Variants in TSNARE1 observed in about 807,000 individuals in gnomAD.
The protein encoded by TSNARE1 is t-SNARE domain-containing protein 1.
TSNARE1 carries 49 observed loss-of-function variants against 62.0 expected under a neutral mutation model. The observed-to-expected ratio is 0.79, with a 90% CI of 0.63 to 1.00. TSNARE1 has a LOEUF of 1.00. TSNARE1 is among the 50% of genes least tolerant of loss of function. The probability of loss-of-function intolerance (pLI) is 0.00; values close to 1 mark genes in which losing one functional copy is unlikely to be tolerated. For synonymous variants in TSNARE1, 328 were observed against 294.4 expected (o/e 1.11, Z -1.17); for missense variants, 755 against 700.1 (o/e 1.08, Z -0.88).
intron 12 of TSNARE1, among the ~76,000 whole-genome samples, chr8:142,259,737 C>T (rs531230405): frequency 5.6e-4 from 86 of 152,342 alleles, no homozygotes; most frequent in African/African-American, 2.0e-3. Context: ...CCTTCCCCTA[C>T]CGTTCTGCTA....
At chr8:142,289,730 G>T (rs1474050380) in intron 10 of TSNARE1, among the ~76,000 whole-genome samples, 2 of 152,208 alleles carry the variant, frequency 1.3e-5, no homozygotes, top group Admixed American at 1.3e-4. Flanking sequence ...GCCTGCCTTT[G>T]TGTCTCTTCC....
chr8:142,314,542 G>A, intron 8 of TSNARE1, 102 bp from the exon 9 acceptor site: 3 of 967,650 alleles, frequency 3.1e-6, no homozygotes, highest in Non-Finnish European at 4.7e-6. Context: ...CGACGGTGCA[G>A]CAAAACACGC....
chr8:142,268,172 GGAT>G (rs1353086297), intron 12 of TSNARE1, among the ~76,000 whole-genome samples: 1 of 152,218 alleles, frequency 6.6e-6, no homozygotes, highest in African/African-American at 2.4e-5. Flanking sequence ...TGCCCCCACT[GGAT>G]GATGGAGCTT....
intron 10 of TSNARE1, among the ~76,000 whole-genome samples, chr8:142,290,564 C>T (rs1229841195): frequency 1.3e-5 from 2 of 152,222 alleles, no homozygotes; most frequent in Non-Finnish European, 2.9e-5. Flanking sequence ...CTGCATTTTT[C>T]TCTATCACAC....
chr8:142,213,859 T>A (rs1815694062), intron 13 of TSNARE1, among the ~76,000 whole-genome samples: 1 of 152,184 alleles, frequency 6.6e-6, no homozygotes, highest in Admixed American at 6.5e-5. Context: ...CACCTGGTGC[T>A]GTGGGGCTCC....
intron 1 of TSNARE1, among the ~76,000 whole-genome samples, chr8:142,395,942 T>C (rs1034144773): frequency 3.9e-5 from 6 of 152,214 alleles, no homozygotes; most frequent in Non-Finnish European, 4.4e-5. Flanking sequence ...GAATGGATCA[T>C]GGGTCCAGAT....
At chr8:142,253,193 C>T (rs1183388314) in intron 12 of TSNARE1, among the ~76,000 whole-genome samples, 10 of 152,314 alleles carry the variant, frequency 6.6e-5, no homozygotes, top group African/African-American at 1.9e-4. Flanking sequence ...GCTGGCACTA[C>T]GGGTACGGGA....
intron 3 of TSNARE1, among the ~76,000 whole-genome samples, chr8:142,345,178 G>A (rs368438522): frequency 6.6e-6 from 1 of 152,202 alleles, no homozygotes; most frequent in Non-Finnish European, 1.5e-5. Context: ...TTCACTAACC[G>A]GACCAGCTTC....
At chr8:142,393,954 G>A (rs1478801514) in intron 1 of TSNARE1, among the ~76,000 whole-genome samples, 2 of 152,182 alleles carry the variant, frequency 1.3e-5, no homozygotes, top group Non-Finnish European at 2.9e-5. Flanking sequence ...AATCCCCAAT[G>A]AACACACACC....
Position 142,339,974 on chromosome 8 carries a change from CA to C in TSNARE1, c.745+3991del, listed in dbSNP as rs563126778. On this transcript the variant is annotated intron_variant, in intron 4 of 13. Transcript: ENST00000524325. The stretch of plus-strand genomic sequence containing the variant: ...TGAGAGGGCTAGAGGCACTTCCCAA[CA>C]GGGGCTGATGATGCAGCCGGAGAGC... Among the ~76,000 whole-genome samples the C allele has an allele frequency of 2.0e-5, 3 of 152,366 alleles. No individual in the cohort carries two copies. The South Asian group carries it at 6.2e-4, about 32-fold the overall frequency.
chr8:142,346,404 C>T (rs1833372783), intron 2 of TSNARE1, among the ~76,000 whole-genome samples: 1 of 152,266 alleles, frequency 6.6e-6, no homozygotes, highest in Non-Finnish European at 1.5e-5. Flanking sequence ...TCCCCATCTC[C>T]CGGCTCCCAG....
chr8:142,240,544 A>T (rs1018625283), intron 12 of TSNARE1, among the ~76,000 whole-genome samples: 5 of 152,216 alleles, frequency 3.3e-5, no homozygotes, highest in African/African-American at 2.4e-5. Context: ...TAAAGAATGC[A>T]CATTCTTCTC....
chr8:142,281,787 G>C (rs1821520973), intron 11 of TSNARE1, among the ~76,000 whole-genome samples: 1 of 151,914 alleles, frequency 6.6e-6, no homozygotes, highest in Admixed American at 6.6e-5. Flanking sequence ...TGGGCACTGT[G>C]ACCTCTGTCC....
In TSNARE1 at chr8:142,390,644, G is replaced by A. The variant is rs1250935222; in HGVS notation, c.-40+12460C>T. On this transcript the variant is annotated intron_variant, in intron 1 of 13. Coordinates refer to ENST00000524325, the MANE Select transcript of TSNARE1 (RefSeq NM_145003.5). The stretch of plus-strand genomic sequence containing the variant: ...GACGCTGTACACTGCGGGGGACTCT[G>A]TAACAGAAGCTGTACACTGCGGGGG... Among the ~76,000 whole-genome samples, 5 of 12,582 alleles carry A rather than the reference G, an allele frequency of 4.0e-4. 1 individual carries two copies. The highest frequency in any genetic ancestry group is 1.7e-3 in the African/African-American group (2 of 1,144). The allele number at this position is 12,582 out of a possible 152,430, so 8.3% of individuals were successfully genotyped here. A position where few individuals can be genotyped will look rare whatever the true frequency, so the allele number is the denominator to read the frequency against.
chr8:142,292,550 G>A (rs1823978992), intron 10 of TSNARE1, among the ~76,000 whole-genome samples: 1 of 152,140 alleles, frequency 6.6e-6, no homozygotes, highest in African/African-American at 2.4e-5. Flanking sequence ...CTCACCCACC[G>A]CCCCTGGAGA....
intron 10 of TSNARE1, among the ~76,000 whole-genome samples, chr8:142,295,889 G>T (rs915821919): frequency 2.3e-4 from 35 of 150,608 alleles, no homozygotes; most frequent in Non-Finnish European, 4.0e-4. Flanking sequence ...GGGATGAGAT[G>T]CTACCTGTGG....
At chr8:142,298,221 C>T (rs1404000897) in intron 10 of TSNARE1, among the ~76,000 whole-genome samples, 1 of 152,250 alleles carries the variant, frequency 6.6e-6, no homozygotes, top group Non-Finnish European at 1.5e-5. Flanking sequence ...CTGAGCTGGA[C>T]GACTGCAGTG....
chr8:142,376,047 A>G (rs907563870), intron 1 of TSNARE1, among the ~76,000 whole-genome samples: 5 of 152,178 alleles, frequency 3.3e-5, no homozygotes, highest in African/African-American at 1.2e-4. Context: ...TACGGAAAAC[A>G]TGGTCCCAGC....
intron 1 of TSNARE1, among the ~76,000 whole-genome samples, chr8:142,376,151 A>G (rs1836320461): frequency 6.6e-6 from 1 of 152,242 alleles, no homozygotes; most frequent in Non-Finnish European, 1.5e-5. Flanking sequence ...GTCTATCCAC[A>G]TAATCCAAAG....
Sources: gnomAD v4.1 joint callset for allele counts (sites outside exome capture counted in the v4.1 genomes callset) on GRCh38, gnomAD v4.1.1 for gene constraint, MANE v1.5 for transcripts, NCBI Gene and HGNC (gene_info 2026-07-23, HGNC 2026-07-21) for gene names.